Variants in DNM2 observed in about 807,000 individuals in gnomAD.
DNM2 encodes the protein dynamin 2.
A neutral mutation model predicts 99.0 loss-of-function variants in DNM2; 15 were observed. The observed-to-expected ratio is 0.15, with a 90% CI of 0.10 to 0.23. DNM2 has a LOEUF of 0.23. Among genes scored for constraint, DNM2 ranks in the 10% least tolerant of loss-of-function variants. The pLI, the probability that DNM2 is intolerant of heterozygous loss-of-function variation, is 1.00. For synonymous variants in DNM2, 525 were observed against 481.2 expected (o/e 1.09, Z -1.19); for missense variants, 742 against 1,189.4 (o/e 0.62, Z 5.53).
rs1220445966 is a variant in DNM2 at position 10,811,306 on chromosome 19, G to C, written c.1558-958G>C. On this transcript the variant is annotated intron_variant, in intron 14 of 20. Transcript: ENST00000389253. This position sits in a 1 kb window ranked among gnomAD's most constrained non-coding sequence, Gnocchi z 5.4. ...AGAATGTCAGGCCCGGGGTGGGTCG[G>C]GGTAGTCCGGATGAAGCCCCTCCAG... 1 of 205,178 alleles carries C rather than the reference G, an allele frequency of 4.9e-6. No homozygotes were observed. The highest frequency in any genetic ancestry group is 5.4e-5 in the Admixed American group (1 of 18,440). 12.7% of individuals were successfully genotyped at this position (205,178 alleles called of 1,614,324 possible).
intron 12 of DNM2, chr19:10,803,755 C>T (rs776985523): frequency 1.4e-5 from 13 of 938,840 alleles, no homozygotes; most frequent in African/African-American, 1.8e-5. Context: ...GTGGGACATC[C>T]CTGGGGCCCG....
At chr19:10,739,861 C>CAA (rs59755624) in intron 1 of DNM2, among the ~76,000 whole-genome samples, 57 of 32,586 alleles carry the variant, frequency 1.7e-3, no homozygotes, top group South Asian at 3.4e-3. Context: ...CTCTCTCTCT[C>CAA]AAAAAAAAAA....
chr19:10,826,294 C>G (rs2073140996), intron 18 of DNM2, among the ~76,000 whole-genome samples: 2 of 152,188 alleles, frequency 1.3e-5, no homozygotes, highest in Non-Finnish European at 2.9e-5. Context: ...ATCAAGTAAC[C>G]TGCCCCAAGT....
Position 10,830,153 on chromosome 19 carries a change from C to T in DNM2, c.2318C>T (p.Ser773Phe). 1 of 1,613,854 alleles carries T rather than the reference C, an allele frequency of 6.2e-7. No homozygotes were observed. The highest frequency in any genetic ancestry group is 1.1e-5 in the South Asian group (1 of 91,086). Residue 773 changes from serine (S) to phenylalanine (F), a missense_variant, in exon 20 of 21, where the codon TCC (serine) becomes TTC (phenylalanine). Ser to Phe is a radical substitution (Grantham distance 155). Transcript: ENST00000389253. This position sits in a 1 kb window ranked among gnomAD's most constrained non-coding sequence, Gnocchi z 4.8. ...CCCACTCCACAGCGCCGACCGGTGTCCAGCATACACCCCCCTGGCCGGCCC... is the reference window on the plus strand; with the variant it reads ...CCCACTCCACAGCGCCGACCGGTGTTCAGCATACACCCCCCTGGCCGGCCC... ...HSPTPQRRPV[S>F]SIHPPGRPPA...
In DNM2 at chr19:10,764,217, C is replaced by G. The variant is rs554591851; in HGVS notation, c.235+4406C>G. Among the ~76,000 whole-genome samples, 17 of 152,294 alleles carry G rather than the reference C, an allele frequency of 1.1e-4. No homozygotes were observed. Among genetic ancestry groups the G allele is most frequent in the African/African-American group, 4.1e-4 (17 of 41,560 alleles). On this transcript the variant is annotated intron_variant, in intron 2 of 20. Coordinates refer to ENST00000389253, the MANE Select transcript of DNM2 (RefSeq NM_001005361.3). The surrounding 1 kb of genome is among the most constrained non-coding windows in gnomAD (Gnocchi z 4.1). ...CGGGACTTGTTAAAGTGACTTCCCTCTCTGTGCCTTGGTAGCTTCATCTGT... is the reference window on the plus strand; with the variant it reads ...CGGGACTTGTTAAAGTGACTTCCCTGTCTGTGCCTTGGTAGCTTCATCTGT...
rs1230097370 is a variant in DNM2, at chr19:10,830,500, C to T, written c.2543+122C>T. 3 of 1,201,350 alleles carry T rather than the reference C, an allele frequency of 2.5e-6. No individual in the cohort carries two copies. Among genetic ancestry groups the T allele is most frequent in the Non-Finnish European group, 2.3e-6 (2 of 858,662 alleles). The allele number at this position is 1,201,350 out of a possible 1,614,324, so 74.4% of individuals were successfully genotyped here. A position where few individuals can be genotyped will look rare whatever the true frequency, so the allele number is the denominator to read the frequency against. ...GCTGCTGGAGTGGAGGAATCGTCCTCATCCCTATTTGGCTTGCGAGGAAAC... is the reference window on the plus strand; with the variant it reads ...GCTGCTGGAGTGGAGGAATCGTCCTTATCCCTATTTGGCTTGCGAGGAAAC... On this transcript the variant is annotated intron_variant, in intron 20 of 20. Coordinates refer to ENST00000389253, the MANE Select transcript of DNM2 (RefSeq NM_001005361.3). This position sits in a 1 kb window ranked among gnomAD's most constrained non-coding sequence, Gnocchi z 4.8.
At chr19:10,781,139 A>G (rs942242650) in intron 5 of DNM2, among the ~76,000 whole-genome samples, 5 of 152,044 alleles carry the variant, frequency 3.3e-5, no homozygotes, top group Non-Finnish European at 7.4e-5. Context: ...GTAGTAAGCT[A>G]TGATTGTGCC....
chr19:10,784,819 A>ATTTTTTTTTT lies in DNM2; in HGVS notation c.849+1712_849+1721dup, dbSNP rs35575438. Among the ~76,000 whole-genome samples, 11 of 99,462 alleles carry ATTTTTTTTTT rather than the reference A, an allele frequency of 1.1e-4. 1 individual carries two copies. The highest frequency in any genetic ancestry group is 1.4e-4 in the Admixed American group (1 of 7,352). 65.3% of individuals were successfully genotyped at this position (99,462 alleles called of 152,430 possible). On this transcript the variant is annotated intron_variant, in intron 6 of 20. Coordinates refer to ENST00000389253, the MANE Select transcript of DNM2 (RefSeq NM_001005361.3). ...GTATTTATTTTTTATTTTTTTGATG[A>ATTTTTTTTTT]TTTTTTTTTTTTTTTTTTTTTTGAG...
intron 3 of DNM2, among the ~76,000 whole-genome samples, chr19:10,774,879 C>T (rs1335966004): frequency 1.3e-5 from 2 of 151,566 alleles, no homozygotes; most frequent in Non-Finnish European, 2.9e-5. Flanking sequence ...AGGCGATCCT[C>T]CCGCCTTAGT....
chr19:10,827,385 C>A lies in DNM2; in HGVS notation c.2059-1651C>A, dbSNP rs376147760. On this transcript the variant is annotated intron_variant, in intron 18 of 20. Transcript: ENST00000389253. ...GCAGCCAAAGATGGGACATAATTATCCATTTTTAATAGACTCTTATAAAAT... is the reference window on the plus strand; with the variant it reads ...GCAGCCAAAGATGGGACATAATTATACATTTTTAATAGACTCTTATAAAAT... 6.6e-5 allele frequency among the ~76,000 whole-genome samples: 10 copies of A among 151,934 alleles called. 1 individual carries two copies. The East Asian group carries it at 1.3e-3, about 20-fold the overall frequency.
chr19:10,825,558 A>C (rs1217441744), intron 18 of DNM2, among the ~76,000 whole-genome samples: 3 of 152,108 alleles, frequency 2.0e-5, no homozygotes, highest in African/African-American at 7.2e-5. Flanking sequence ...AATCCCAGCT[A>C]CTCAGGAGGC....
intron 10 of DNM2, 101 bp downstream of exon 10, chr19:10,797,619 C>T (rs985327440): frequency 2.0e-5 from 31 of 1,561,602 alleles, no homozygotes; most frequent in Middle Eastern, 2.2e-4. Context: ...GGCAGGAACC[C>T]CCTTCCGCCT....
intron 3 of DNM2, among the ~76,000 whole-genome samples, chr19:10,773,574 G>A (rs143746218): frequency 0.028 from 4,302 of 151,304 alleles, 91 homozygotes; most frequent in South Asian, 0.051. Context: ...TCAGCCTCCC[G>A]AGTAGCTGGG....
At chr19:10,823,726 G>A (rs116859820) in intron 16 of DNM2, 62 bp from the exon 17 acceptor site, 30 of 1,536,310 alleles carry the variant, frequency 2.0e-5, no homozygotes, top group Middle Eastern at 3.4e-4. Context: ...CATTCCTCTC[G>A]GCAGTCTGCC....
At position 10,746,731 on chromosome 19, in the gene DNM2, T is replaced by G. The variant is rs541939814; in HGVS notation, c.162-13007T>G. Among the ~76,000 whole-genome samples, 802 of 116,064 alleles carry G rather than the reference T, an allele frequency of 6.9e-3. 7 individuals carry two copies. Among genetic ancestry groups the G allele is most frequent in the African/African-American group, 0.028 (754 of 27,098 alleles). The allele number at this position is 116,064 out of a possible 152,430, so 76.1% of individuals were successfully genotyped here. The stretch of plus-strand genomic sequence containing the variant: ...AACCGTGCCGGCTTTTTTTTTGTTT[T>G]TTGTTTTTTTTTTTTTTGAGACAGT... On this transcript the variant is annotated intron_variant, in intron 1 of 20. Coordinates refer to ENST00000389253, the MANE Select transcript of DNM2 (RefSeq NM_001005361.3).
chr19:10,728,715 A>G (rs904543661), intron 1 of DNM2, among the ~76,000 whole-genome samples: 6 of 152,182 alleles, frequency 3.9e-5, no homozygotes, highest in Non-Finnish European at 8.8e-5. Context: ...TGAGAGGCCA[A>G]GGCGGGCAGA....
At chr19:10,742,370 C>G (rs756447801) in intron 1 of DNM2, among the ~76,000 whole-genome samples, 1 of 152,160 alleles carries the variant, frequency 6.6e-6, no homozygotes, top group Non-Finnish European at 1.5e-5. Flanking sequence ...TTCACTCCCA[C>G]CCCCGTCACC....
chr19:10,772,526 G>C lies in DNM2; in HGVS notation c.283G>C (p.Asp95His). 6.2e-7 allele frequency: 1 copy of C among 1,614,186 alleles called. No homozygotes were observed. The highest frequency in any genetic ancestry group is 8.5e-7 in the Non-Finnish European group (1 of 1,180,052). The change falls in exon 3 of 21, where the codon GAT (aspartate) becomes CAT (histidine). Residue 95 changes from aspartate to histidine, a missense_variant. Around this residue, in one of 7 missense-constraint regions of DNM2, gnomAD observed 192 missense variants for 358.9 expected, o/e 0.54. Transcript: ENST00000389253. The surrounding 1 kb of genome is among the most constrained non-coding windows in gnomAD (Gnocchi z 4.9). The part of the protein sequence containing the change: ...HCKSKKFTDF[D>H]EVRQEIEAET... ...CAAGTCCAAAAAGTTTACAGACTTT[G>C]ATGAAGTCCGGCAGGAGATTGAAGC...
At chr19:10,799,568 C>G (rs549990783) in intron 11 of DNM2, among the ~76,000 whole-genome samples, 35 of 140,144 alleles carry the variant, frequency 2.5e-4, no homozygotes, top group African/African-American at 9.1e-4. Context: ...GAGTTTTGCT[C>G]TGTCGCCCAG....
Sources: allele counts gnomAD v4.1 joint callset (sites outside exome capture counted in the v4.1 genomes callset), GRCh38; gene constraint gnomAD v4.1.1; regional missense constraint gnomAD v4.1.1; non-coding constraint Gnocchi (gnomAD v3.1); transcripts MANE v1.5; gene names NCBI Gene and HGNC (gene_info 2026-07-23, HGNC 2026-07-21).